Variants in SIK3 observed in about 807,000 individuals in gnomAD.
The protein encoded by SIK3 is SIK family kinase 3, also known as serine/threonine-protein kinase SIK3.
SIK3 carries 28 observed loss-of-function variants against 144.2 expected under a neutral mutation model. The ratio of observed to expected loss-of-function variants is 0.19; its 90% CI spans 0.14 to 0.27. The LOEUF is 0.27. SIK3 is among the 10% of genes least tolerant of loss of function. The pLI is 1.00. For missense variants in SIK3, 1,319 were observed against 1,776.0 expected (o/e 0.74, Z 4.62); for synonymous variants, 686 against 676.3 (o/e 1.01, Z -0.22).
intron 7 of SIK3, 109 bp downstream of exon 7, chr11:116,876,815 G>C (rs1458388428): frequency 1.2e-6 from 1 of 844,132 alleles, no homozygotes; most frequent in Admixed American, 1.9e-5. Context: ...TTACATAATA[G>C]TTTGTTCCCA....
chr11:117,062,045 C>T (rs1953818047), intron 1 of SIK3, among the ~76,000 whole-genome samples: 1 of 151,346 alleles, frequency 6.6e-6, no homozygotes, highest in Non-Finnish European at 1.5e-5. Flanking sequence ...AAAAGTCAAG[C>T]CAGGCACAGT....
rs150079621 is a variant in SIK3, at chr11:116,876,089, T to C, written c.1096-80A>G. ...GACCAGAACCCTTTCAGTAATAACA[T>C]TAGCCAAAGCACCTTCTTTCCTTCT... is the stretch of plus-strand genomic sequence containing the variant. On this transcript the variant is annotated intron_variant, in intron 8 of 24. Transcript: ENST00000445177. The C allele has an allele frequency of 2.0e-5, 31 of 1,567,890 alleles. No individual in the cohort carries two copies. In the African/African-American group the frequency reaches 3.6e-4, roughly 18 times the overall value.
intron 3 of SIK3, 83 bp from the exon 4 acceptor site, chr11:116,927,463 G>T: frequency 7.3e-7 from 1 of 1,375,112 alleles, no homozygotes; most frequent in Non-Finnish European, 1.0e-6. Context: ...GGCTACAAGG[G>T]GCCCTCTCGA....
chr11:117,056,270 C>T (rs1270654379), intron 1 of SIK3, among the ~76,000 whole-genome samples: 1 of 152,010 alleles, frequency 6.6e-6, no homozygotes, highest in Non-Finnish European at 1.5e-5. Flanking sequence ...CAAACTATCG[C>T]AGGGACAAAA....
Position 116,972,437 on chromosome 11 carries a change from G to A in SIK3, c.274-15373C>T, listed in dbSNP as rs140674243. 1.8e-3 allele frequency among the ~76,000 whole-genome samples: 276 copies of A among 152,300 alleles called. No homozygotes were observed. The Middle Eastern group carries it at 0.027, about 15-fold the overall frequency. ...TTTGAAACAAGGAAAACATATCCCCGTATTTCACCTATCCTCCAACTTCTT... is the reference window on the plus strand; with the variant it reads ...TTTGAAACAAGGAAAACATATCCCCATATTTCACCTATCCTCCAACTTCTT... On this transcript the variant is annotated intron_variant, in intron 1 of 24. Transcript: ENST00000445177.
chr11:116,988,104 G>A (rs1315817342), intron 1 of SIK3, among the ~76,000 whole-genome samples: 1 of 152,170 alleles, frequency 6.6e-6, no homozygotes, highest in African/African-American at 2.4e-5. Flanking sequence ...AAAATAAAGA[G>A]ATCCTGGTGC....
At chr11:116,962,781 GA>G (rs1453671667) in intron 1 of SIK3, among the ~76,000 whole-genome samples, 5 of 151,972 alleles carry the variant, frequency 3.3e-5, no homozygotes, top group African/African-American at 1.2e-4. Context: ...ATATAAAAAA[GA>G]ATTAAACTAT....
Position 116,867,938 on chromosome 11 carries a change from C to T in SIK3, c.1952+8G>A. 1.3e-6 allele frequency: 2 copies of T among 1,529,394 alleles called. No individual in the cohort carries two copies. Among genetic ancestry groups the T allele is most frequent in the Non-Finnish European group, 1.8e-6 (2 of 1,135,438 alleles). 94.7% of individuals were successfully genotyped at this position (1,529,394 alleles called of 1,614,324 possible). A position where few individuals can be genotyped will look rare whatever the true frequency, so the allele number is the denominator to read the frequency against. ...CAAGGAGCTCGCACAGCTCATGTGG[C>T]TACTCACCGATGCTGATCAGGTACC... is the stretch of plus-strand genomic sequence containing the variant. On this transcript the variant is annotated splice_region_variant and intron_variant, in intron 15 of 24. Coordinates refer to ENST00000445177, the MANE Select transcript of SIK3 (RefSeq NM_001366686.3). This position sits in a 1 kb window ranked among gnomAD's most constrained non-coding sequence, Gnocchi z 4.1.
At chr11:116,871,934 T>C (rs1163407133) in intron 13 of SIK3, among the ~76,000 whole-genome samples, 2 of 152,138 alleles carry the variant, frequency 1.3e-5, no homozygotes, top group African/African-American at 4.8e-5. Flanking sequence ...TAGGCAGTCA[T>C]GTACACGTAT....
chr11:116,877,049 T>C lies in SIK3; in HGVS notation c.866-7A>G, dbSNP rs372951910. The C allele has an allele frequency of 1.1e-4, 184 of 1,613,402 alleles. 1 individual carries two copies. Among genetic ancestry groups the C allele is most frequent in the Middle Eastern group, 6.6e-4 (4 of 6,062 alleles). ...CGGATCAAATGCTCACATTCTGCAATGGACAAACAGCCTGCCTTCAGTCTC... is the reference window on the plus strand; with the variant it reads ...CGGATCAAATGCTCACATTCTGCAACGGACAAACAGCCTGCCTTCAGTCTC... On this transcript the variant is annotated splice_polypyrimidine_tract_variant and splice_region_variant and intron_variant, in intron 6 of 24. Coordinates refer to ENST00000445177, the MANE Select transcript of SIK3 (RefSeq NM_001366686.3).
rs1955581413 is a variant in SIK3 at position 117,098,378 on chromosome 11, G to GCAGCCCCGC, written c.29_37dup (p.Gly10_Ala12dup). On this transcript the variant is annotated inframe_insertion, in exon 1 of 25. Transcript: ENST00000445177. ...CCCGGCTCCCCCAGTCCCGGCCCCGGCAGCCCCGCCAGCTCCGCTCGCCGC... is the reference window on the plus strand; with the variant it reads ...CCCGGCTCCCCCAGTCCCGGCCCCGGCAGCCCCGCCAGCCCCGCCAGCTCCGCTCGCCGC... 5.1e-6 allele frequency: 6 copies of GCAGCCCCGC among 1,166,414 alleles called. No individual in the cohort carries two copies. Among genetic ancestry groups the GCAGCCCCGC allele is most frequent in the Non-Finnish European group, 6.3e-6 (6 of 948,420 alleles). 72.3% of individuals were successfully genotyped at this position (1,166,414 alleles called of 1,614,324 possible). A position where few individuals can be genotyped will look rare whatever the true frequency, so the allele number is the denominator to read the frequency against.
At chr11:116,897,389 G>T (rs1945468145) in intron 4 of SIK3, 72 bp from the exon 5 acceptor site, 2 of 1,336,288 alleles carry the variant, frequency 1.5e-6, no homozygotes, top group African/African-American at 1.5e-5. Flanking sequence ...CTAGTCTCTA[G>T]TCACTAAAGA....
intron 1 of SIK3, among the ~76,000 whole-genome samples, chr11:117,024,179 T>A (rs1020579206): frequency 2.6e-5 from 4 of 152,074 alleles, no homozygotes; most frequent in Non-Finnish European, 5.9e-5. Context: ...TTGTGGGCAA[T>A]CTCTCTGTGA....
intron 1 of SIK3, among the ~76,000 whole-genome samples, chr11:116,975,889 C>CT (rs1949932439): frequency 6.6e-6 from 1 of 152,120 alleles, no homozygotes; most frequent in Admixed American, 6.6e-5. Flanking sequence ...TATTGTCCAT[C>CT]TTTTTTTATT....
intron 6 of SIK3, among the ~76,000 whole-genome samples, chr11:116,895,582 T>C (rs145335141): frequency 6.9e-4 from 104 of 151,330 alleles, no homozygotes; most frequent in African/African-American, 2.3e-3. Context: ...CAAAACTATA[T>C]GACTTTTTGC....
At chr11:116,932,575 CCT>C (rs1008891677) in intron 3 of SIK3, among the ~76,000 whole-genome samples, 3 of 152,240 alleles carry the variant, frequency 2.0e-5, no homozygotes, top group East Asian at 1.9e-4. Context: ...TTGCCTTTCC[CCT>C]GTTCAATTTT....
At chr11:116,997,915 AG>A (rs1236869475) in intron 1 of SIK3, among the ~76,000 whole-genome samples, 9 of 152,210 alleles carry the variant, frequency 5.9e-5, no homozygotes, top group Admixed American at 2.0e-4. Flanking sequence ...ACTGCAGTGC[AG>A]TGCCATAATC....
chr11:116,886,588 A>G (rs765825862), intron 6 of SIK3, among the ~76,000 whole-genome samples: 2 of 152,206 alleles, frequency 1.3e-5, no homozygotes, highest in Non-Finnish European at 2.9e-5. Flanking sequence ...TCTAATCAAT[A>G]AAGACTCAAA....
chr11:116,874,155 A>G (rs1274931160), intron 11 of SIK3, 99 bp from the exon 12 acceptor site: 2 of 1,191,506 alleles, frequency 1.7e-6, no homozygotes, highest in Admixed American at 2.4e-5. Context: ...AGTACAACTT[A>G]TTTTATTTTC....
Sources: allele counts gnomAD v4.1 joint callset (sites outside exome capture counted in the v4.1 genomes callset), GRCh38; gene constraint gnomAD v4.1.1; non-coding constraint Gnocchi (gnomAD v3.1); transcripts MANE v1.5; gene names NCBI Gene and HGNC (gene_info 2026-07-23, HGNC 2026-07-21).